The following SIPA1L1 variants were observed in gnomAD, a reference collection of about 807,000 sequenced individuals.
The protein encoded by SIPA1L1 is signal induced proliferation associated 1 like 1.
SIPA1L1 carries 26 observed loss-of-function variants against 162.7 expected under a neutral mutation model. The observed-to-expected ratio is 0.16, with a 90% confidence interval of 0.12 to 0.22. The LOEUF (loss-of-function observed/expected upper bound fraction) is 0.22, where lower values mean the gene tolerates loss of function less well. Ranked by LOEUF, SIPA1L1 falls within the 10% of genes least tolerant of loss-of-function variation. The probability of loss-of-function intolerance (pLI) is 1.00; values close to 1 mark genes in which losing one functional copy is unlikely to be tolerated. For missense variants in SIPA1L1, 1,874 were observed against 2,241.0 expected, an observed-to-expected ratio of 0.84 and a Z score of 3.31; for synonymous variants, 829 against 837.4, an observed-to-expected ratio of 0.99 and a Z score of 0.17.
chr14:71,491,447 A>T (rs2049241942), intron 2 of SIPA1L1, among the ~76,000 whole-genome samples: 1 of 152,184 alleles, frequency 6.6e-6, no homozygotes, highest in South Asian at 2.1e-4. Flanking sequence ...AGAGAAATGA[A>T]ACAAATATGG....
chr14:71,624,049 T>C lies in SIPA1L1; in HGVS notation c.1631T>C (p.Leu544Pro). The C allele has an allele frequency of 6.3e-7, 1 of 1,599,664 alleles. No homozygotes were observed. The change falls in exon 7 of 24, where the codon CTC (leucine) becomes CCC (proline). Residue 544 changes from leucine (L) to proline (P), a missense_variant and splice_region_variant. Physicochemically the swap from Leu to Pro is moderately conservative, Grantham distance 98. This residue lies in a region of SIPA1L1 where 685 missense variants were observed against 828.0 expected (regional missense o/e 0.83). Coordinates refer to ENST00000381232, the MANE Select transcript of SIPA1L1 (RefSeq NM_001386936.1). ...NYRIIFRTSE[L>P]MTLRGSVLED... is the part of the protein sequence containing the mutation. ...CCACAGCACCTGTCTCTCTTGCAGCTCATGACACTGAGAGGTTCGGTCCTG... is the reference window on the plus strand; with the variant it reads ...CCACAGCACCTGTCTCTCTTGCAGCCCATGACACTGAGAGGTTCGGTCCTG...
intron 7 of SIPA1L1, among the ~76,000 whole-genome samples, chr14:71,634,115 G>T (rs1287735048): frequency 3.3e-5 from 5 of 151,654 alleles, no homozygotes; most frequent in Non-Finnish European, 7.4e-5. Context: ...TATAAGGGAA[G>T]AACGGCTGGG....
At chr14:71,418,623 T>TTA (rs2042963614) in intron 2 of SIPA1L1, among the ~76,000 whole-genome samples, 1 of 152,226 alleles carries the variant, frequency 6.6e-6, no homozygotes, top group Non-Finnish European at 1.5e-5. Flanking sequence ...CAGTTGATCA[T>TTA]GAATTGCTAA....
intron 14 of SIPA1L1, 49 bp from the exon 15 acceptor site, chr14:71,702,332 A>G (rs757455061): frequency 3.7e-6 from 6 of 1,603,348 alleles, no homozygotes; most frequent in Non-Finnish European, 5.1e-6. Context: ...CCTTCCCCTC[A>G]TGGGTAAGGT....
chr14:71,483,979 A>C (rs886590009), intron 2 of SIPA1L1, among the ~76,000 whole-genome samples: 8 of 152,166 alleles, frequency 5.3e-5, no homozygotes, highest in Non-Finnish European at 1.2e-4. Flanking sequence ...TTGGTTGCTC[A>C]TGTCTGTACG....
At chr14:71,555,789 C>T (rs186360614) in intron 4 of SIPA1L1, among the ~76,000 whole-genome samples, 1 of 152,090 alleles carries the variant, frequency 6.6e-6, no homozygotes, top group African/African-American at 2.4e-5. Flanking sequence ...CTAGAGAGCC[C>T]AAAGAGAGGG....
At chr14:71,420,390 ACTGT>A (rs577498098) in intron 2 of SIPA1L1, among the ~76,000 whole-genome samples, 35 of 152,288 alleles carry the variant, frequency 2.3e-4, no homozygotes, top group South Asian at 8.3e-4. Context: ...AGGCCATCTG[ACTGT>A]CTGTCTGCCT....
chr14:71,510,613 A>T (rs909187545), intron 2 of SIPA1L1, among the ~76,000 whole-genome samples: 1 of 152,150 alleles, frequency 6.6e-6, no homozygotes, highest in Admixed American at 6.6e-5. Flanking sequence ...CCTGGGAATT[A>T]TTGCCAGGGG....
intron 21 of SIPA1L1, 29 bp downstream of exon 21, chr14:71,733,841 C>G (rs779105811): frequency 6.2e-7 from 1 of 1,604,994 alleles, no homozygotes; most frequent in Non-Finnish European, 8.5e-7. Flanking sequence ...CACAAGACAG[C>G]CCAGGATCCT....
chr14:71,514,120 G>T (rs535012839), intron 3 of SIPA1L1, among the ~76,000 whole-genome samples: 1 of 152,196 alleles, frequency 6.6e-6, no homozygotes, highest in East Asian at 1.9e-4. Flanking sequence ...AGGAACAAAA[G>T]GAGAGAAAGT....
intron 6 of SIPA1L1, among the ~76,000 whole-genome samples, chr14:71,622,960 T>C (rs942523430): frequency 1.3e-5 from 2 of 152,234 alleles, no homozygotes; most frequent in African/African-American, 4.8e-5. Context: ...TACTCCCTTT[T>C]TTCCCAATCT....
chr14:71,411,045 G>T (rs898244240), intron 2 of SIPA1L1, among the ~76,000 whole-genome samples: 1 of 152,072 alleles, frequency 6.6e-6, no homozygotes, highest in East Asian at 1.9e-4. Flanking sequence ...TCAGGGAAAA[G>T]AACTTTTGAA....
At chr14:71,471,768 A>G (rs2047478369) in intron 2 of SIPA1L1, among the ~76,000 whole-genome samples, 1 of 152,222 alleles carries the variant, frequency 6.6e-6, no homozygotes, top group Admixed American at 6.5e-5. Flanking sequence ...CATTCTGTTA[A>G]GTTTGACGTG....
intron 2 of SIPA1L1, among the ~76,000 whole-genome samples, chr14:71,405,864 C>T (rs1234085387): frequency 6.6e-6 from 1 of 152,202 alleles, no homozygotes; most frequent in African/African-American, 2.4e-5. Flanking sequence ...AGAATTTTTA[C>T]ATTCTTCACA....
chr14:71,544,155 G>A (rs1046186149), intron 4 of SIPA1L1, among the ~76,000 whole-genome samples: 7 of 150,912 alleles, frequency 4.6e-5, no homozygotes, highest in Admixed American at 1.3e-4. Flanking sequence ...ATGCACGTGT[G>A]TGTATATGTA....
At chr14:71,506,153 T>G (rs2050650165) in intron 2 of SIPA1L1, among the ~76,000 whole-genome samples, 2 of 152,300 alleles carry the variant, frequency 1.3e-5, no homozygotes, top group Admixed American at 6.5e-5. Flanking sequence ...GGTTATAGTT[T>G]TGTTGCACCA....
chr14:71,593,188 GTTATTTATTTATTTAT>G (rs60160795), intron 5 of SIPA1L1, among the ~76,000 whole-genome samples: 45 of 147,020 alleles, frequency 3.1e-4, no homozygotes, highest in East Asian at 2.4e-3. Flanking sequence ...TGTGTTTTGT[GTTATTTATTTATTTAT>G]TTATTTATTT....
intron 8 of SIPA1L1, 99 bp from the exon 9 acceptor site, chr14:71,658,234 C>T: frequency 1.5e-6 from 1 of 679,346 alleles, no homozygotes; most frequent in South Asian, 1.9e-5. Flanking sequence ...CATCCTAAAT[C>T]ATTTTCTTTT....
At chr14:71,357,280 G>T (rs2140781845) in intron 2 of SIPA1L1, among the ~76,000 whole-genome samples, 2 of 152,186 alleles carry the variant, frequency 1.3e-5, no homozygotes, top group East Asian at 3.9e-4. Flanking sequence ...GTGTGTGAAA[G>T]AGAGTTAGCC....
Sources: allele counts gnomAD v4.1 joint callset (sites outside exome capture counted in the v4.1 genomes callset), GRCh38; gene constraint gnomAD v4.1.1; regional missense constraint gnomAD v4.1.1; transcripts MANE v1.5; gene names NCBI Gene and HGNC (gene_info 2026-07-23, HGNC 2026-07-21).